Variants in ZDHHC14 observed in about 807,000 individuals in gnomAD.
The protein encoded by ZDHHC14 is zDHHC palmitoyltransferase 14, also known as palmitoyltransferase ZDHHC14.
Under a neutral mutation model 47.7 loss-of-function variants are expected in ZDHHC14, and 16 were observed. The ratio of observed to expected loss-of-function variants is 0.34; its 90% CI spans 0.23 to 0.51. ZDHHC14 has a LOEUF of 0.51. Ranked by LOEUF, ZDHHC14 falls within the 20% of genes least tolerant of loss-of-function variation. The pLI is 0.97. For synonymous variants in ZDHHC14, 293 were observed against 278.9 expected (o/e 1.05, Z -0.50); for missense variants, 515 against 662.5 (o/e 0.78, Z 2.44).
intron 2 of ZDHHC14, among the ~76,000 whole-genome samples, chr6:157,589,176 G>A (rs918192329): frequency 2.0e-5 from 3 of 152,134 alleles, no homozygotes; most frequent in African/African-American, 7.2e-5. Context: ...GCCAGAGCAG[G>A]AGGAAGAGGG....
intron 8 of ZDHHC14, among the ~76,000 whole-genome samples, chr6:157,667,948 T>C (rs1437307419): frequency 6.6e-6 from 1 of 152,236 alleles, no homozygotes; most frequent in Non-Finnish European, 1.5e-5. Flanking sequence ...GACAAAACTC[T>C]GCTCTGTCCA....
Position 157,674,544 on chromosome 6 carries a change from A to G in ZDHHC14, c.*1422A>G, listed in dbSNP as rs1260488841. On this transcript the variant is annotated 3_prime_UTR_variant, in exon 9 of 9. Coordinates refer to ENST00000359775, the MANE Select transcript of ZDHHC14 (RefSeq NM_024630.3). ...AACTCCTCTCCTGGCTTCTTTCCAG[A>G]CCATAAATCTAACAGCTAAAGCTAC... 1 of 152,206 alleles carries G rather than the reference A, an allele frequency of 6.6e-6. No individual in the cohort carries two copies. The highest frequency in any genetic ancestry group is 2.4e-5 in the African/African-American group (1 of 41,422). 9.4% of individuals were successfully genotyped at this position (152,206 alleles called of 1,614,324 possible).
In ZDHHC14 at chr6:157,382,133, A is replaced by T. The variant is rs1777225790; in HGVS notation, c.112A>T (p.Arg38Trp). 6.2e-7 allele frequency: 1 copy of T among 1,613,370 alleles called. No homozygotes were observed. The highest frequency in any genetic ancestry group is 1.7e-5 in the Admixed American group (1 of 59,948). ...CAAGAAGAAGAAAATCGCGGCCCGG[A>T]GGAAATGGGAGGTGTTCCCGGGAAG... is the stretch of plus-strand genomic sequence containing the variant. ...PHKKKKIAAR[R>W]KWEVFPGRNK... The change falls in exon 1 of 9, where the codon AGG (arginine) becomes TGG (tryptophan). Residue 38 changes from arginine (R) to tryptophan (W), a missense_variant. Arg to Trp is a moderately radical substitution (Grantham distance 101, BLOSUM62 -3). This residue lies in a region of ZDHHC14 where 59 missense variants were observed against 57.7 expected (regional missense o/e 1.02). Coordinates refer to ENST00000359775, the MANE Select transcript of ZDHHC14 (RefSeq NM_024630.3).
intron 7 of ZDHHC14, among the ~76,000 whole-genome samples, chr6:157,651,863 C>T (rs563286251): frequency 4.7e-4 from 71 of 152,260 alleles, no homozygotes; most frequent in African/African-American, 1.5e-3. Context: ...TGAGCCACTG[C>T]GCCCGGTCCC....
At chr6:157,642,289 T>C (rs1330649004) in intron 5 of ZDHHC14, among the ~76,000 whole-genome samples, 2 of 152,136 alleles carry the variant, frequency 1.3e-5, no homozygotes, top group African/African-American at 4.8e-5. Context: ...CCTTCTTCCC[T>C]TACGTACCTT....
intron 7 of ZDHHC14, among the ~76,000 whole-genome samples, chr6:157,647,782 T>G (rs1416203318): frequency 1.3e-5 from 2 of 152,174 alleles, no homozygotes; most frequent in Non-Finnish European, 2.9e-5. Context: ...ACAATAGAAA[T>G]GTTCATAGGG....
intron 1 of ZDHHC14, among the ~76,000 whole-genome samples, chr6:157,467,523 A>T (rs1162047651): frequency 1.5e-5 from 2 of 129,992 alleles, no homozygotes; most frequent in Non-Finnish European, 3.5e-5. Flanking sequence ...CATTTTATTT[A>T]TTTATTTATT....
intron 1 of ZDHHC14, among the ~76,000 whole-genome samples, chr6:157,530,504 A>G (rs1280429730): frequency 6.6e-6 from 1 of 152,136 alleles, no homozygotes; most frequent in African/African-American, 2.4e-5. Flanking sequence ...AGTGAATTTC[A>G]TTTTGTTCAT....
intron 1 of ZDHHC14, among the ~76,000 whole-genome samples, chr6:157,404,738 C>G (rs994819329): frequency 1.3e-5 from 2 of 152,110 alleles, no homozygotes; most frequent in African/African-American, 4.8e-5. Context: ...GGTTAGATAA[C>G]TTGTTTTTAA....
At chr6:157,416,717 T>C (rs947658532) in intron 1 of ZDHHC14, among the ~76,000 whole-genome samples, 18 of 142,786 alleles carry the variant, frequency 1.3e-4, no homozygotes, top group Middle Eastern at 3.5e-3. Flanking sequence ...GTACATGCTA[T>C]GGTAAAAAAT....
intron 7 of ZDHHC14, among the ~76,000 whole-genome samples, chr6:157,649,746 G>A (rs1348892780): frequency 2.6e-5 from 4 of 152,254 alleles, no homozygotes; most frequent in Non-Finnish European, 1.5e-5. Context: ...TGTTCCCAGA[G>A]GCAGGGATGG....
At chr6:157,558,754 T>A (rs2114836782) in intron 2 of ZDHHC14, among the ~76,000 whole-genome samples, 1 of 151,438 alleles carries the variant, frequency 6.6e-6, no homozygotes, top group East Asian at 1.9e-4. Flanking sequence ...GATGGCATTT[T>A]GCAAAAATCA....
intron 7 of ZDHHC14, among the ~76,000 whole-genome samples, chr6:157,647,671 T>C (rs1223896109): frequency 6.6e-6 from 1 of 152,204 alleles, no homozygotes; most frequent in Non-Finnish European, 1.5e-5. Flanking sequence ...TGAAGGTGCG[T>C]GCAGGGAGCT....
At chr6:157,595,495 C>G (rs562662434) in intron 3 of ZDHHC14, among the ~76,000 whole-genome samples, 1 of 152,096 alleles carries the variant, frequency 6.6e-6, no homozygotes, top group Non-Finnish European at 1.5e-5. Context: ...CCGGCCTAGG[C>G]TAGATTTTTA....
chr6:157,603,489 C>G (rs988035822), intron 3 of ZDHHC14, among the ~76,000 whole-genome samples: 1 of 152,104 alleles, frequency 6.6e-6, no homozygotes, highest in African/African-American at 2.4e-5. Context: ...TGCTGGAGCA[C>G]GATGCTTGAA....
intron 1 of ZDHHC14, among the ~76,000 whole-genome samples, chr6:157,496,288 C>T (rs1234342753): frequency 6.6e-6 from 1 of 152,104 alleles, no homozygotes; most frequent in Non-Finnish European, 1.5e-5. Flanking sequence ...GGTCTCTGTG[C>T]ATAGGCCTCA....
intron 1 of ZDHHC14, among the ~76,000 whole-genome samples, chr6:157,426,034 T>C (rs562654404): frequency 1.1e-4 from 17 of 152,278 alleles, no homozygotes; most frequent in Admixed American, 2.6e-4. Context: ...CCCTGCATTC[T>C]ACCTAGAGAG....
At chr6:157,472,948 T>G (rs1294248587) in intron 1 of ZDHHC14, among the ~76,000 whole-genome samples, 1 of 152,186 alleles carries the variant, frequency 6.6e-6, no homozygotes, top group Non-Finnish European at 1.5e-5. Context: ...AAAATTAATA[T>G]TTTGCAGGCA....
chr6:157,647,391 C>T, intron 7 of ZDHHC14, 23 bp downstream of exon 7: 1 of 1,584,536 alleles, frequency 6.3e-7, no homozygotes, highest in Non-Finnish European at 8.6e-7. Context: ...ACGCATCGTG[C>T]TCTTCAACAG....
Sources: allele counts gnomAD v4.1 joint callset (sites outside exome capture counted in the v4.1 genomes callset), GRCh38; gene constraint gnomAD v4.1.1; regional missense constraint gnomAD v4.1.1; transcripts MANE v1.5; gene names NCBI Gene and HGNC (gene_info 2026-07-23, HGNC 2026-07-21).